The following FGF14 variants were observed in gnomAD, a reference collection of about 807,000 sequenced individuals.
FGF14 encodes fibroblast growth factor homologous factor 4.
In FGF14, 5 loss-of-function variants were observed where a neutral mutation model predicts 25.5. The observed-to-expected ratio is 0.20, with a 90% CI of 0.10 to 0.41. The LOEUF (loss-of-function observed/expected upper bound fraction) is 0.41. FGF14 is among the 10% of genes least tolerant of loss of function. The pLI, the probability that FGF14 is intolerant of heterozygous loss-of-function variation, is 1.00. For synonymous variants in FGF14, 138 were observed against 118.3 expected, an observed-to-expected ratio of 1.17 and a Z score of -1.08; for missense variants, 222 against 320.1, an observed-to-expected ratio of 0.69 and a Z score of 2.34.
chr13:102,096,503 T>C (rs183928348), intron 1 of FGF14, among the ~76,000 whole-genome samples: 16 of 152,336 alleles, frequency 1.1e-4, no homozygotes, highest in African/African-American at 2.9e-4. Flanking sequence ...CAAGTAACAT[T>C]CACTGAAAAC....
chr13:102,284,762 A>G (rs1478832032), intron 1 of FGF14, among the ~76,000 whole-genome samples: 1 of 152,192 alleles, frequency 6.6e-6, no homozygotes, highest in South Asian at 2.1e-4. Flanking sequence ...GTTTTGATGC[A>G]GACAATCCTA....
At chr13:102,115,376 G>A (rs570317160) in intron 1 of FGF14, among the ~76,000 whole-genome samples, 1 of 152,276 alleles carries the variant, frequency 6.6e-6, no homozygotes, top group African/African-American at 2.4e-5. Context: ...GCTCAAAAAT[G>A]AGCAATTATT....
At chr13:101,770,288 G>A (rs559068417) in intron 3 of FGF14, among the ~76,000 whole-genome samples, 1 of 152,118 alleles carries the variant, frequency 6.6e-6, no homozygotes, top group African/African-American at 2.4e-5. Context: ...AATGCTGTTA[G>A]TAATTCCCTC....
intron 1 of FGF14, among the ~76,000 whole-genome samples, chr13:102,397,031 T>C (rs2058601852): frequency 6.6e-6 from 1 of 152,148 alleles, no homozygotes. Flanking sequence ...GAATTTGATG[T>C]TTTCATTTGA....
At chr13:102,160,834 A>C (rs2047590972) in intron 1 of FGF14, among the ~76,000 whole-genome samples, 1 of 152,110 alleles carries the variant, frequency 6.6e-6, no homozygotes, top group African/African-American at 2.4e-5. Flanking sequence ...AGTGCTTATA[A>C]AGTGGTAAAA....
At chr13:101,829,895 G>A (rs1477359748) in intron 3 of FGF14, among the ~76,000 whole-genome samples, 2 of 152,024 alleles carry the variant, frequency 1.3e-5, no homozygotes, top group Non-Finnish European at 2.9e-5. Flanking sequence ...TTCTGAAAAT[G>A]AGGCTCACAA....
intron 1 of FGF14, among the ~76,000 whole-genome samples, chr13:102,143,273 A>T (rs1002736943): frequency 6.6e-6 from 1 of 152,174 alleles, no homozygotes; most frequent in Non-Finnish European, 1.5e-5. Flanking sequence ...TTTCACAAGT[A>T]TGGGGGGTTA....
intron 1 of FGF14, among the ~76,000 whole-genome samples, chr13:102,224,200 C>G (rs1225262034): frequency 6.6e-6 from 1 of 152,138 alleles, no homozygotes; most frequent in Non-Finnish European, 1.5e-5. Flanking sequence ...GGCTCTCTCA[C>G]ATTACTATGC....
chr13:102,190,096 C>T (rs1373689168), intron 1 of FGF14, among the ~76,000 whole-genome samples: 2 of 152,158 alleles, frequency 1.3e-5, no homozygotes, highest in African/African-American at 2.4e-5. Flanking sequence ...CCTTTTAAGG[C>T]TGGTCATCCA....
intron 1 of FGF14, among the ~76,000 whole-genome samples, chr13:101,942,907 C>T (rs1261867908): frequency 1.3e-5 from 2 of 152,202 alleles, no homozygotes; most frequent in African/African-American, 4.8e-5. Context: ...GCATAGGCTT[C>T]AGCCCTCAGG....
At chr13:102,062,429 T>TA (rs1447303026) in intron 1 of FGF14, among the ~76,000 whole-genome samples, 1 of 152,056 alleles carries the variant, frequency 6.6e-6, no homozygotes, top group African/African-American at 2.4e-5. Context: ...ATACGACTAG[T>TA]AAAACAGAAG....
At position 101,872,665 on chromosome 13, in the gene FGF14, C is replaced by T. The variant is rs143962863; in HGVS notation, c.304+2521G>A. On this transcript the variant is annotated intron_variant, in intron 2 of 4. Coordinates refer to ENST00000376143, the MANE Select transcript of FGF14 (RefSeq NM_004115.4). The stretch of plus-strand genomic sequence containing the variant: ...TTACTTTTATAAATCTGCTACGATT[C>T]TGCCAATTGTATTAAATTTTATAGT... Among the ~76,000 whole-genome samples the T allele has an allele frequency of 5.5e-3, 831 of 152,202 alleles. 11 individuals carry two copies. Among genetic ancestry groups the T allele is most frequent in the African/African-American group, 0.019 (801 of 41,546 alleles).
chr13:102,330,012 C>T (rs1184509132), intron 1 of FGF14, among the ~76,000 whole-genome samples: 3 of 152,146 alleles, frequency 2.0e-5, no homozygotes, highest in Non-Finnish European at 2.9e-5. Context: ...AACCCGCAAT[C>T]GTGCCAGTTA....
At chr13:102,164,245 C>A (rs973543605) in intron 1 of FGF14, among the ~76,000 whole-genome samples, 3 of 152,140 alleles carry the variant, frequency 2.0e-5, no homozygotes, top group African/African-American at 7.2e-5. Context: ...CCTAGCCAAG[C>A]CTGACTTCTA....
intron 3 of FGF14, among the ~76,000 whole-genome samples, chr13:101,814,932 TAAATA>T (rs1447452512): frequency 1.3e-5 from 2 of 152,116 alleles, no homozygotes. Flanking sequence ...AAGTAACCTG[TAAATA>T]AAATAAAACC....
chr13:101,858,467 G>C (rs2044242054), intron 3 of FGF14, among the ~76,000 whole-genome samples: 1 of 152,028 alleles, frequency 6.6e-6, no homozygotes, highest in Admixed American at 6.6e-5. Context: ...AACATGGAGA[G>C]TGAAAACAAA....
chr13:102,386,580 A>G (rs1453195723), intron 1 of FGF14, among the ~76,000 whole-genome samples: 1 of 152,248 alleles, frequency 6.6e-6, no homozygotes, highest in East Asian at 1.9e-4. Flanking sequence ...ACGCTGACAT[A>G]ATGCCTCCTT....
intron 1 of FGF14, chr13:102,367,363 C>T: frequency 6.6e-6 from 1 of 152,404 alleles, no homozygotes; most frequent in Non-Finnish European, 1.5e-5. Flanking sequence ...CCTCTAGTGT[C>T]CCCACCTGAT....
intron 1 of FGF14, among the ~76,000 whole-genome samples, chr13:101,973,412 T>A (rs2037732498): frequency 1.3e-5 from 2 of 152,196 alleles, no homozygotes; most frequent in Non-Finnish European, 2.9e-5. Context: ...TTACTTTCCC[T>A]TTTACACTGG....
Sources: gnomAD v4.1 joint callset for allele counts (sites outside exome capture counted in the v4.1 genomes callset) on GRCh38, gnomAD v4.1.1 for gene constraint, MANE v1.5 for transcripts, NCBI Gene and HGNC (gene_info 2026-07-23, HGNC 2026-07-21) for gene names.